The following ZCCHC14 variants were observed in gnomAD, a reference collection of about 807,000 sequenced individuals.
ZCCHC14 encodes zinc finger CCHC domain-containing protein 14.
In ZCCHC14, 16 loss-of-function variants were observed where a neutral mutation model predicts 85.0. The observed-to-expected ratio is 0.19, with a 90% CI of 0.13 to 0.29. The LOEUF (loss-of-function observed/expected upper bound fraction) is 0.29, where lower values mean the gene tolerates loss of function less well. Among genes scored for constraint, ZCCHC14 ranks in the 10% least tolerant of loss-of-function variants. The pLI is 1.00. For synonymous variants in ZCCHC14, 775 were observed against 630.7 expected (o/e 1.23, Z -3.43); for missense variants, 1,303 against 1,443.5 (o/e 0.90, Z 1.58).
rs201036363 is a variant in ZCCHC14, at chr16:87,468,598, G to A, written c.571-8467C>T. ...GCCTCAGGTTCAAACCCCTTCCCCC[G>A]TTTTTTAGCACACTGTTAGATGTTT... On this transcript the variant is annotated intron_variant, in intron 1 of 12. Coordinates refer to ENST00000671377, the MANE Select transcript of ZCCHC14 (RefSeq NM_015144.3). Among the ~76,000 whole-genome samples, 11 of 152,238 alleles carry A rather than the reference G, an allele frequency of 7.2e-5. No homozygotes were observed. In the East Asian group the frequency reaches 9.7e-4, roughly 13 times the overall value.
At chr16:87,436,827 T>G (rs1003133078) in intron 2 of ZCCHC14, among the ~76,000 whole-genome samples, 1 of 152,220 alleles carries the variant, frequency 6.6e-6, no homozygotes, top group Non-Finnish European at 1.5e-5. Flanking sequence ...ACACTAAAAC[T>G]AAACGATCGA....
At chr16:87,415,214 A>C in intron 9 of ZCCHC14, 62 bp downstream of exon 9, 1 of 1,478,494 alleles carries the variant, frequency 6.8e-7, no homozygotes, top group Non-Finnish European at 9.5e-7. Context: ...AAGCCTCAGC[A>C]CTCCATTCGG....
intron 9 of ZCCHC14, 26 bp downstream of exon 9, chr16:87,415,250 G>A (rs754515266): frequency 2.5e-6 from 4 of 1,608,624 alleles, no homozygotes; most frequent in East Asian, 2.2e-5. Context: ...AATAAACACA[G>A]GTTTCAAAAC....
intron 2 of ZCCHC14, among the ~76,000 whole-genome samples, chr16:87,443,204 G>A (rs756577515): frequency 7.9e-5 from 12 of 152,350 alleles, no homozygotes; most frequent in Admixed American, 1.3e-4. Flanking sequence ...AACTGTGACC[G>A]GAAGGGCAGA....
In ZCCHC14 at chr16:87,412,007, T is replaced by C; in HGVS notation, c.2714A>G (p.His905Arg). ...CGGGGGTGCCGGGGGCTGCTGATGG[T>C]GGTGGTGGTGGTGGTGGTTCGGATT... The part of the protein sequence containing the change: ...ASNPNHHHHH[H>R]HQQPPAPPQP... Residue 905 changes from histidine to arginine, a missense_variant, in exon 12 of 13, where the codon CAC becomes CGC. Physicochemically the swap from His to Arg is conservative, Grantham distance 29. Around this residue, in one of 7 missense-constraint regions of ZCCHC14, gnomAD observed 797 missense variants for 730.8 expected, o/e 1.09. Transcript: ENST00000671377. 6.2e-7 allele frequency: 1 copy of C among 1,608,246 alleles called. No homozygotes were observed. Among genetic ancestry groups the C allele is most frequent in the South Asian group, 1.1e-5 (1 of 91,020 alleles).
At position 87,420,377 on chromosome 16, in the gene ZCCHC14, G is replaced by T. The variant is rs185718445; in HGVS notation, c.950+230C>A. 1.3e-5 allele frequency among the ~76,000 whole-genome samples: 2 copies of T among 152,322 alleles called. No homozygotes were observed. The highest frequency in any genetic ancestry group is 3.9e-4 in the East Asian group (2 of 5,176). On this transcript the variant is annotated intron_variant, in intron 5 of 12. Coordinates refer to ENST00000671377, the MANE Select transcript of ZCCHC14 (RefSeq NM_015144.3). The surrounding 1 kb of genome is among the most constrained non-coding windows in gnomAD (Gnocchi z 5.0). The stretch of plus-strand genomic sequence containing the variant: ...ACAGGACTGCCAAAGCCCAAGACGT[G>T]GTGGGACCCACCCTGGAATTCCCTT...
chr16:87,439,894 C>T (rs191414487), intron 2 of ZCCHC14, among the ~76,000 whole-genome samples: 1 of 152,364 alleles, frequency 6.6e-6, no homozygotes, highest in East Asian at 1.9e-4. Context: ...TTGCTGTCTA[C>T]CAGCAGCTCT....
chr16:87,443,203 C>A (rs1230081324), intron 2 of ZCCHC14, among the ~76,000 whole-genome samples: 1 of 152,190 alleles, frequency 6.6e-6, no homozygotes, highest in African/African-American at 2.4e-5. Flanking sequence ...CAACTGTGAC[C>A]GGAAGGGCAG....
At chr16:87,456,886 T>C (rs2150755922) in intron 2 of ZCCHC14, among the ~76,000 whole-genome samples, 1 of 152,314 alleles carries the variant, frequency 6.6e-6, no homozygotes, top group African/African-American at 2.4e-5. Flanking sequence ...TTAATGAAAG[T>C]ATACCTCCTT....
chr16:87,467,995 C>A (rs1911607096), intron 1 of ZCCHC14, among the ~76,000 whole-genome samples: 1 of 152,046 alleles, frequency 6.6e-6, no homozygotes. Context: ...CGCCTGGCTC[C>A]CAAAGTACTG....
At chr16:87,454,169 C>G (rs1910840456) in intron 2 of ZCCHC14, among the ~76,000 whole-genome samples, 1 of 152,038 alleles carries the variant, frequency 6.6e-6, no homozygotes, top group African/African-American at 2.4e-5. Flanking sequence ...ATCTGTGGGA[C>G]AAGACCAAAG....
At position 87,436,401 on chromosome 16, in the gene ZCCHC14, C is replaced by A. The variant is rs1400519704; in HGVS notation, c.695-3200G>T. The stretch of plus-strand genomic sequence containing the variant: ...CCTGCCCTGGACCCCATGTGCTCCG[C>A]GGGCTCTGAAGGCTGAGAAGAGGAG... On this transcript the variant is annotated intron_variant, in intron 2 of 12. Transcript: ENST00000671377. 3.3e-5 allele frequency among the ~76,000 whole-genome samples: 5 copies of A among 152,340 alleles called. No individual in the cohort carries two copies. In the South Asian group the frequency reaches 8.3e-4, roughly 25 times the overall value.
Position 87,420,557 on chromosome 16 carries a change from G to T in ZCCHC14, c.950+50C>A. 1 of 1,479,084 alleles carries T rather than the reference G, an allele frequency of 6.8e-7. No individual in the cohort carries two copies. The highest frequency in any genetic ancestry group is 9.3e-7 in the Non-Finnish European group (1 of 1,078,668). 91.6% of individuals were successfully genotyped at this position (1,479,084 alleles called of 1,614,324 possible). On this transcript the variant is annotated intron_variant, in intron 5 of 12. Coordinates refer to ENST00000671377, the MANE Select transcript of ZCCHC14 (RefSeq NM_015144.3). This position sits in a 1 kb window ranked among gnomAD's most constrained non-coding sequence, Gnocchi z 5.0. ...GACCACAGCATTGACCACAGGACCA[G>T]CCTGTCCTTGCCAGCTGTGGACGCG...
chr16:87,479,522 C>G (rs1216981544), intron 1 of ZCCHC14, among the ~76,000 whole-genome samples: 2 of 151,964 alleles, frequency 1.3e-5, no homozygotes, highest in Non-Finnish European at 2.9e-5. Flanking sequence ...CCATAATGCT[C>G]CCTTCTAAAG....
chr16:87,436,283 G>C (rs1056959972), intron 2 of ZCCHC14, among the ~76,000 whole-genome samples: 1 of 152,266 alleles, frequency 6.6e-6, no homozygotes, highest in Non-Finnish European at 1.5e-5. Flanking sequence ...AAATGTTGGC[G>C]CATCCCTCTG....
intron 2 of ZCCHC14, among the ~76,000 whole-genome samples, chr16:87,446,221 C>T (rs1910431175): frequency 6.6e-6 from 1 of 151,054 alleles, no homozygotes; most frequent in Non-Finnish European, 1.5e-5. Flanking sequence ...CGGTGGCTCA[C>T]GCCTGTAATC....
chr16:87,442,870 G>A (rs936481203), intron 2 of ZCCHC14, among the ~76,000 whole-genome samples: 1 of 152,168 alleles, frequency 6.6e-6, no homozygotes, highest in Non-Finnish European at 1.5e-5. Context: ...AAGTACTAAA[G>A]GCAAATAACT....
At position 87,412,481 on chromosome 16, in the gene ZCCHC14, T is replaced by A; in HGVS notation, c.2240A>T (p.Gln747Leu). The change falls in exon 12 of 13, where the codon CAG (glutamine) becomes CTG (leucine). Residue 747 changes from glutamine (Q) to leucine (L), a missense_variant. Gln to Leu is a moderately radical substitution (Grantham distance 113). Around this residue, in one of 7 missense-constraint regions of ZCCHC14, gnomAD observed 797 missense variants for 730.8 expected, o/e 1.09. Coordinates refer to ENST00000671377, the MANE Select transcript of ZCCHC14 (RefSeq NM_015144.3). ...STLDRVLKTA[Q>L]QPALVVETST... ...GGTCTCCACGACCAGGGCCGGTTGC[T>A]GTGCTGTCTTCAGCACCCTGTCCAG... 1.2e-6 allele frequency: 2 copies of A among 1,614,016 alleles called. No individual in the cohort carries two copies. Among genetic ancestry groups the A allele is most frequent in the Non-Finnish European group, 1.7e-6 (2 of 1,180,014 alleles).
At chr16:87,421,105 C>T (rs879711519) in intron 4 of ZCCHC14, among the ~76,000 whole-genome samples, 2 of 152,268 alleles carry the variant, frequency 1.3e-5, no homozygotes, top group African/African-American at 4.8e-5. Flanking sequence ...CACACTGCCA[C>T]AGGCTGACGT....
Sources: allele counts gnomAD v4.1 joint callset (sites outside exome capture counted in the v4.1 genomes callset), GRCh38; gene constraint gnomAD v4.1.1; regional missense constraint gnomAD v4.1.1; non-coding constraint Gnocchi (gnomAD v3.1); transcripts MANE v1.5; gene names NCBI Gene and HGNC (gene_info 2026-07-23, HGNC 2026-07-21).